CLSTN2: variants seen among roughly 807,000 people sequenced by gnomAD.
CLSTN2 encodes the protein calsyntenin-2.
A neutral mutation model predicts 101.2 loss-of-function variants in CLSTN2; 48 were observed. The ratio of observed to expected loss-of-function variants is 0.47; its 90% CI spans 0.38 to 0.60. The LOEUF (loss-of-function observed/expected upper bound fraction) is 0.60. Among genes scored for constraint, CLSTN2 ranks in the 20% least tolerant of loss-of-function variants. The pLI is 0.00. For synonymous variants in CLSTN2, 481 were observed against 463.6 expected (o/e 1.04, Z -0.48); for missense variants, 1,160 against 1,238.2 (o/e 0.94, Z 0.95).
chr3:140,274,227 ACT>A (rs1331018562), intron 2 of CLSTN2, among the ~76,000 whole-genome samples: 3 of 151,944 alleles, frequency 2.0e-5, no homozygotes, highest in Middle Eastern at 3.2e-3. Context: ...ATGGGTTAAC[ACT>A]CTGCTTCCTA....
At chr3:140,428,137 T>C (rs903133580) in intron 5 of CLSTN2, among the ~76,000 whole-genome samples, 2 of 152,242 alleles carry the variant, frequency 1.3e-5, no homozygotes, top group African/African-American at 4.8e-5. Flanking sequence ...TTGTTTGTAA[T>C]CCAGTGGCTA....
chr3:140,326,444 C>G (rs1411990218), intron 2 of CLSTN2, among the ~76,000 whole-genome samples: 1 of 152,212 alleles, frequency 6.6e-6, no homozygotes, highest in Non-Finnish European at 1.5e-5. Flanking sequence ...TGAAGTTGTA[C>G]ACTACCTACG....
rs1576384051 is a variant in CLSTN2 at position 140,574,756 on chromosome 3, C to G, written c.*8503C>G. On this transcript the variant is annotated 3_prime_UTR_variant, in exon 17 of 17. Transcript: ENST00000458420. ...CCACACACGTATTGAGGGTCCTTTT[C>G]CCCGGCAGGAGGAGCTACCAGAGAA... 1 of 152,188 alleles carries G rather than the reference C, an allele frequency of 6.6e-6. No homozygotes were observed. The highest frequency in any genetic ancestry group is 1.5e-5 in the Non-Finnish European group (1 of 68,044). 9.4% of individuals were successfully genotyped at this position (152,188 alleles called of 1,614,324 possible).
intron 1 of CLSTN2, among the ~76,000 whole-genome samples, chr3:140,071,204 A>G (rs2008386282): frequency 6.6e-6 from 1 of 152,230 alleles, no homozygotes; most frequent in Non-Finnish European, 1.5e-5. Context: ...ATTATTCAAT[A>G]ATAAACTATG....
At chr3:140,159,818 A>G (rs905395597) in intron 1 of CLSTN2, among the ~76,000 whole-genome samples, 1 of 152,212 alleles carries the variant, frequency 6.6e-6, no homozygotes, top group Non-Finnish European at 1.5e-5. Flanking sequence ...ATACCATGGA[A>G]TACTATGCAA....
chr3:139,956,078 ACT>A (rs1935389143), intron 1 of CLSTN2, among the ~76,000 whole-genome samples: 1 of 151,664 alleles, frequency 6.6e-6, no homozygotes, highest in Non-Finnish European at 1.5e-5. Flanking sequence ...CCTTGTCACG[ACT>A]CTGTGAGTTG....
chr3:140,189,918 C>T (rs2107835742), intron 2 of CLSTN2, among the ~76,000 whole-genome samples: 1 of 152,250 alleles, frequency 6.6e-6, no homozygotes, highest in South Asian at 2.1e-4. Context: ...TTATAAGCAA[C>T]AAATTTATTT....
At chr3:140,282,854 T>G (rs1288550550) in intron 2 of CLSTN2, among the ~76,000 whole-genome samples, 1 of 152,188 alleles carries the variant, frequency 6.6e-6, no homozygotes, top group Non-Finnish European at 1.5e-5. Context: ...TGAGAGTATC[T>G]GGACTTTTCC....
At chr3:140,174,815 A>T (rs1474075109) in intron 1 of CLSTN2, among the ~76,000 whole-genome samples, 1 of 152,220 alleles carries the variant, frequency 6.6e-6, no homozygotes. Flanking sequence ...AGTACAATTC[A>T]AGATGAGATT....
chr3:140,154,917 T>C (rs550983899), intron 1 of CLSTN2, among the ~76,000 whole-genome samples: 54 of 152,200 alleles, frequency 3.5e-4, no homozygotes, highest in Middle Eastern at 3.4e-3. Context: ...TACCACACTT[T>C]TAAACCATCA....
intron 1 of CLSTN2, among the ~76,000 whole-genome samples, chr3:140,076,150 T>C (rs930307561): frequency 6.6e-6 from 1 of 152,154 alleles, no homozygotes; most frequent in African/African-American, 2.4e-5. Context: ...GTAAGTGGAA[T>C]CCTACAGTAT....
intron 8 of CLSTN2, among the ~76,000 whole-genome samples, chr3:140,489,937 C>G (rs868555553): frequency 6.8e-6 from 1 of 146,848 alleles, no homozygotes; most frequent in Non-Finnish European, 1.5e-5. Flanking sequence ...AGGTACAGGT[C>G]GTTAGTCTAT....
chr3:140,550,854 G>T (rs1007092884), intron 10 of CLSTN2, among the ~76,000 whole-genome samples: 7 of 149,326 alleles, frequency 4.7e-5, no homozygotes, highest in Admixed American at 1.3e-4. Flanking sequence ...GGTTATAAAG[G>T]CTTGGTTATA....
chr3:140,432,246 T>C (rs954632012), intron 5 of CLSTN2, among the ~76,000 whole-genome samples: 4 of 152,150 alleles, frequency 2.6e-5, no homozygotes, highest in Non-Finnish European at 5.9e-5. Context: ...CTGTTCAGCT[T>C]TGGCTTCCCT....
At position 139,938,468 on chromosome 3, in the gene CLSTN2, A is replaced by G. The variant is rs976528330; in HGVS notation, c.109+2985A>G. Among the ~76,000 whole-genome samples, 9 of 152,184 alleles carry G rather than the reference A, an allele frequency of 5.9e-5. No individual in the cohort carries two copies. In the East Asian group the frequency reaches 1.7e-3, roughly 29 times the overall value. Reference sequence around the variant, plus strand: ...ATCACTGTACTTTCAGTGTAGACATATTTCCAATTTCAGAAATCACACAGT... The same window carrying G: ...ATCACTGTACTTTCAGTGTAGACATGTTTCCAATTTCAGAAATCACACAGT... On this transcript the variant is annotated intron_variant, in intron 1 of 16. Coordinates refer to ENST00000458420, the MANE Select transcript of CLSTN2 (RefSeq NM_022131.3).
intron 1 of CLSTN2, among the ~76,000 whole-genome samples, chr3:140,020,575 C>T (rs2007292993): frequency 6.6e-6 from 1 of 152,192 alleles, no homozygotes; most frequent in African/African-American, 2.4e-5. Context: ...AGGAGGCAGG[C>T]AGCAGTTCTG....
intron 8 of CLSTN2, among the ~76,000 whole-genome samples, chr3:140,480,640 C>T (rs182443039): frequency 2.9e-4 from 44 of 152,258 alleles, no homozygotes; most frequent in Non-Finnish European, 4.9e-4. Flanking sequence ...TCACCATTCT[C>T]ACTGGTGTGA....
At chr3:139,999,326 T>C (rs756717656) in intron 1 of CLSTN2, among the ~76,000 whole-genome samples, 2 of 152,182 alleles carry the variant, frequency 1.3e-5, no homozygotes, top group Non-Finnish European at 2.9e-5. Context: ...GCTCAGTGTT[T>C]GGCTCCCACT....
intron 4 of CLSTN2, among the ~76,000 whole-genome samples, chr3:140,418,446 T>C (rs1202048469): frequency 6.6e-6 from 1 of 152,146 alleles, no homozygotes; most frequent in East Asian, 1.9e-4. Flanking sequence ...TGAAGCTGTA[T>C]TGTTAGAAGT....
Sources: gnomAD v4.1 joint callset for allele counts (sites outside exome capture counted in the v4.1 genomes callset) on GRCh38, gnomAD v4.1.1 for gene constraint, MANE v1.5 for transcripts, NCBI Gene and HGNC (gene_info 2026-07-23, HGNC 2026-07-21) for gene names.